Variants in BCAS4 observed in about 807,000 individuals in gnomAD.
BCAS4 encodes breast carcinoma amplified sequence 4.
BCAS4 carries 9 observed loss-of-function variants against 15.7 expected under a neutral mutation model. The observed-to-expected ratio is 0.57, with a 90% confidence interval of 0.34 to 1.00. The LOEUF is 1.00. Ranked by LOEUF, BCAS4 falls within the 50% of genes least tolerant of loss-of-function variation. The pLI, the probability that BCAS4 is intolerant of heterozygous loss-of-function variation, is 0.02. For synonymous variants in BCAS4, 101 were observed against 99.5 expected (o/e 1.02, Z -0.09); for missense variants, 225 against 239.1 (o/e 0.94, Z 0.39).
chr20:50,796,426 TTC>T (rs2087857890), intron 1 of BCAS4, among the ~76,000 whole-genome samples: 2 of 136,604 alleles, frequency 1.5e-5, no homozygotes, highest in Admixed American at 1.5e-4. Flanking sequence ...TATATGAGTT[TTC>T]TCTTTTTTCT....
At chr20:50,853,187 C>T (rs1206875999) in intron 4 of BCAS4, among the ~76,000 whole-genome samples, 2 of 144,898 alleles carry the variant, frequency 1.4e-5, no homozygotes, top group Non-Finnish European at 3.0e-5. Context: ...CTCTGTCACC[C>T]TGGCTGGAGT....
At chr20:50,865,654 T>C (rs1300936521) in intron 4 of BCAS4, among the ~76,000 whole-genome samples, 3 of 152,172 alleles carry the variant, frequency 2.0e-5, no homozygotes, top group African/African-American at 7.2e-5. Flanking sequence ...CCCCAAGCCC[T>C]GTGCTTCTGT....
At chr20:50,805,963 C>T (rs1019040323) in intron 1 of BCAS4, among the ~76,000 whole-genome samples, 2 of 145,442 alleles carry the variant, frequency 1.4e-5, no homozygotes, top group African/African-American at 5.1e-5. Context: ...GGCGACAGAG[C>T]GAGACTCCAT....
intron 2 of BCAS4, among the ~76,000 whole-genome samples, chr20:50,825,404 C>T (rs2088267802): frequency 6.6e-6 from 1 of 152,166 alleles, no homozygotes; most frequent in Non-Finnish European, 1.5e-5. Context: ...TTATGGTTCC[C>T]AGCCCAGGGT....
chr20:50,814,227 AG>A (rs2088109212), intron 1 of BCAS4, among the ~76,000 whole-genome samples: 1 of 152,162 alleles, frequency 6.6e-6, no homozygotes, highest in Non-Finnish European at 1.5e-5. Context: ...CCAGGGGGTG[AG>A]GTGGGGGACT....
At chr20:50,844,477 G>A (rs1294586025) in intron 4 of BCAS4, among the ~76,000 whole-genome samples, 2 of 152,092 alleles carry the variant, frequency 1.3e-5, no homozygotes, top group Non-Finnish European at 2.9e-5. Context: ...TAAGACACAT[G>A]GGGGGCAGAA....
chr20:50,805,976 CAAA>C (rs3068943), intron 1 of BCAS4, among the ~76,000 whole-genome samples: 1 of 121,904 alleles, frequency 8.2e-6, no homozygotes, highest in Non-Finnish European at 1.7e-5. Flanking sequence ...GACTCCATCT[CAAA>C]AAAAAAAAAA....
chr20:50,829,573 T>G (rs1014013143), intron 2 of BCAS4, among the ~76,000 whole-genome samples: 6 of 152,108 alleles, frequency 3.9e-5, no homozygotes, highest in African/African-American at 1.4e-4. Flanking sequence ...CATGAATATG[T>G]GGCCTTTTTT....
In BCAS4 at chr20:50,830,274, T is replaced by A. The variant is rs376830139; in HGVS notation, c.163-5T>A. 1.3e-4 allele frequency: 202 copies of A among 1,612,306 alleles called. No individual in the cohort carries two copies. Among genetic ancestry groups the A allele is most frequent in the Middle Eastern group, 1.6e-4 (1 of 6,084 alleles). On this transcript the variant is annotated splice_region_variant and splice_polypyrimidine_tract_variant and intron_variant, in intron 2 of 4. Coordinates refer to ENST00000371608, the MANE Select transcript of BCAS4 (RefSeq NM_198799.4). ...AGGCCTGATGAGCTGTTTTGTTCCT[T>A]GCAGATCAGGAGTGATACTTCACAG...
rs192813649 is a variant in BCAS4 at position 50,843,460 on chromosome 20, T to C, written c.399+1560T>C. Among the ~76,000 whole-genome samples the C allele has an allele frequency of 5.9e-5, 9 of 152,328 alleles. No homozygotes were observed. The East Asian group carries it at 1.7e-3, about 29-fold the overall frequency. On this transcript the variant is annotated intron_variant, in intron 4 of 4. Transcript: ENST00000371608. ...CAACTCATTCTATTTGGCCAGGCAA[T>C]GTATTTAAACATTGTGACTTGAAAT...
chr20:50,847,137 C>T (rs1232769479), intron 4 of BCAS4, among the ~76,000 whole-genome samples: 1 of 150,246 alleles, frequency 6.7e-6, no homozygotes, highest in South Asian at 2.1e-4. Flanking sequence ...CCTGAAAAGC[C>T]AGCCGGTAGA....
chr20:50,848,066 A>C (rs552221772), intron 4 of BCAS4, among the ~76,000 whole-genome samples: 72 of 152,066 alleles, frequency 4.7e-4, no homozygotes, highest in Middle Eastern at 3.4e-3. Flanking sequence ...ACAAAAAAAA[A>C]CAGAAAATTC....
chr20:50,859,094 C>A (rs1440790264), intron 4 of BCAS4, among the ~76,000 whole-genome samples: 2 of 151,896 alleles, frequency 1.3e-5, no homozygotes, highest in African/African-American at 2.4e-5. Context: ...TGCCACCATG[C>A]CCGGCTAATT....
rs1302222036 is a variant in BCAS4 at position 50,840,630 on chromosome 20, T to C, written c.265-1136T>C. ...ACACGCCTCATTACGATTCGCCTGC[T>C]TGCTTCTCCTGTTCAATCGTTTCTT... On this transcript the variant is annotated intron_variant, in intron 3 of 4. Coordinates refer to ENST00000371608, the MANE Select transcript of BCAS4 (RefSeq NM_198799.4). The C allele has an allele frequency of 6.8e-6, 11 of 1,605,970 alleles. No individual in the cohort carries two copies. In the African/African-American group the frequency reaches 1.2e-4, roughly 18 times the overall value.
intron 1 of BCAS4, among the ~76,000 whole-genome samples, chr20:50,811,017 A>C (rs934551791): frequency 1.3e-5 from 2 of 152,170 alleles, no homozygotes; most frequent in Non-Finnish European, 2.9e-5. Flanking sequence ...TTTGAGCAAA[A>C]GCTAGAAGGA....
At chr20:50,825,490 G>A (rs771170145) in intron 2 of BCAS4, among the ~76,000 whole-genome samples, 3 of 152,166 alleles carry the variant, frequency 2.0e-5, no homozygotes, top group Non-Finnish European at 4.4e-5. Context: ...GAGTAACTAC[G>A]GTAAACCTCT....
intron 1 of BCAS4, among the ~76,000 whole-genome samples, chr20:50,807,433 A>T (rs566471883): frequency 6.6e-6 from 1 of 152,300 alleles, no homozygotes; most frequent in East Asian, 1.9e-4. Flanking sequence ...ACCTCAAGTG[A>T]TCTGCCTGCC....
At chr20:50,795,744 A>T (rs2123735973) in intron 1 of BCAS4, among the ~76,000 whole-genome samples, 1 of 152,366 alleles carries the variant, frequency 6.6e-6, no homozygotes, top group Admixed American at 6.5e-5. Context: ...TCAGAAATTC[A>T]ACCCATTCTC....
intron 4 of BCAS4, among the ~76,000 whole-genome samples, chr20:50,862,906 C>G (rs191952278): frequency 1.3e-5 from 2 of 152,280 alleles, no homozygotes; most frequent in Admixed American, 1.3e-4. Context: ...GTGGCACAAT[C>G]TCAGCTCACT....
Sources: gnomAD v4.1 joint callset for allele counts (sites outside exome capture counted in the v4.1 genomes callset) on GRCh38, gnomAD v4.1.1 for gene constraint, MANE v1.5 for transcripts, NCBI Gene and HGNC (gene_info 2026-07-23, HGNC 2026-07-21) for gene names.